Variants in GADL1 observed in about 807,000 individuals in gnomAD.
GADL1 encodes the protein GAD like acidic amino acid decarboxylase 1.
Under a neutral mutation model 69.5 loss-of-function variants are expected in GADL1, and 71 were observed. That is an observed-to-expected ratio of 1.02 (90% CI 0.84 to 1.25). The LOEUF (loss-of-function observed/expected upper bound fraction) is 1.25, where lower values mean the gene tolerates loss of function less well. Among genes scored for constraint, GADL1 ranks in the 50% most tolerant of loss-of-function variants. The pLI is 0.00. For missense variants in GADL1, 737 were observed against 631.8 expected, an observed-to-expected ratio of 1.17 and a Z score of -1.79; for synonymous variants, 254 against 214.4, an observed-to-expected ratio of 1.18 and a Z score of -1.62.
chr3:30,769,390 A>G (rs992216307), intron 14 of GADL1, among the ~76,000 whole-genome samples: 3 of 152,148 alleles, frequency 2.0e-5, no homozygotes, highest in African/African-American at 4.8e-5. Context: ...ACACACGCAC[A>G]CACACACACC....
intron 13 of GADL1, among the ~76,000 whole-genome samples, chr3:30,780,218 G>C (rs1311445328): frequency 6.6e-6 from 1 of 152,176 alleles, no homozygotes; most frequent in Non-Finnish European, 1.5e-5. Context: ...TGATTTCCAA[G>C]TTGTGGCATG....
chr3:30,788,042 A>G (rs1044216405), intron 12 of GADL1, among the ~76,000 whole-genome samples: 1 of 152,208 alleles, frequency 6.6e-6, no homozygotes, highest in African/African-American at 2.4e-5. Flanking sequence ...GAGCATACAC[A>G]TGGGCACGTA....
chr3:30,785,382 C>CT (rs71093938), intron 13 of GADL1, among the ~76,000 whole-genome samples: 33,262 of 124,342 alleles, frequency 0.27, 4,281 homozygotes, highest in Non-Finnish European at 0.3. Context: ...ATTTCTTTTT[C>CT]TTTTTTTTTT....
chr3:30,847,308 G>C (rs1575232736), intron 6 of GADL1, among the ~76,000 whole-genome samples: 1 of 151,890 alleles, frequency 6.6e-6, no homozygotes, highest in South Asian at 2.1e-4. Context: ...CACCTTCAGT[G>C]GTGGGTACGT....
At chr3:30,853,398 A>C (rs1435534577) in intron 4 of GADL1, among the ~76,000 whole-genome samples, 1 of 152,192 alleles carries the variant, frequency 6.6e-6, no homozygotes, top group Non-Finnish European at 1.5e-5. Flanking sequence ...TCACTGACAT[A>C]GGAAGTCTCA....
chr3:30,879,543 G>A (rs1225930984), intron 1 of GADL1, among the ~76,000 whole-genome samples: 1 of 151,812 alleles, frequency 6.6e-6, no homozygotes, highest in Non-Finnish European at 1.5e-5. Context: ...GGCCTATGTT[G>A]TTGCTTACCA....
intron 14 of GADL1, among the ~76,000 whole-genome samples, chr3:30,764,832 AGTT>A (rs1696231581): frequency 6.6e-6 from 1 of 152,200 alleles, no homozygotes; most frequent in Non-Finnish European, 1.5e-5. Flanking sequence ...GTGATATTAC[AGTT>A]GACTAAAGCA....
At chr3:30,793,102 C>G (rs1178548368) in intron 12 of GADL1, among the ~76,000 whole-genome samples, 2 of 152,152 alleles carry the variant, frequency 1.3e-5, no homozygotes, top group African/African-American at 4.8e-5. Flanking sequence ...TAGTAGTTAG[C>G]ATCTCCCAGA....
In GADL1 at chr3:30,816,541, T is replaced by C. The variant is rs1443533123; in HGVS notation, c.1051-15453A>G. Among the ~76,000 whole-genome samples the C allele has an allele frequency of 2.4e-3, 150 of 62,176 alleles. 2 individuals carry two copies. Among genetic ancestry groups the C allele is most frequent in the African/African-American group, 8.5e-3 (124 of 14,602 alleles). 40.8% of individuals were successfully genotyped at this position (62,176 alleles called of 152,430 possible). On this transcript the variant is annotated intron_variant, in intron 11 of 14. Transcript: ENST00000282538. ...TCTTAATTTGTTTTCTTTTTTTTTT[T>C]TTTTTTTTTTTTTTTTTTTTTTTTT...
At chr3:30,862,132 A>T (rs1014717641) in intron 1 of GADL1, among the ~76,000 whole-genome samples, 70 of 152,076 alleles carry the variant, frequency 4.6e-4, no homozygotes, top group African/African-American at 1.6e-3. Context: ...AAGTTGAAAA[A>T]AAATGTTTTC....
At chr3:30,755,160 C>T (rs1245372318) in intron 14 of GADL1, among the ~76,000 whole-genome samples, 4 of 152,132 alleles carry the variant, frequency 2.6e-5, no homozygotes, top group Admixed American at 6.5e-5. Flanking sequence ...CAGATGACCT[C>T]CCACCACAAA....
intron 14 of GADL1, among the ~76,000 whole-genome samples, chr3:30,774,127 G>A (rs918192365): frequency 1.3e-5 from 2 of 152,184 alleles, no homozygotes; most frequent in East Asian, 1.9e-4. Context: ...CATTCCTAGG[G>A]AATACCTAGG....
At chr3:30,766,366 G>A (rs1452978063) in intron 14 of GADL1, among the ~76,000 whole-genome samples, 1 of 152,126 alleles carries the variant, frequency 6.6e-6, no homozygotes, top group Non-Finnish European at 1.5e-5. Flanking sequence ...GCTGACAAGG[G>A]GCCCCATGCT....
intron 1 of GADL1, among the ~76,000 whole-genome samples, chr3:30,886,390 C>T (rs901045715): frequency 2.0e-5 from 3 of 152,040 alleles, no homozygotes; most frequent in African/African-American, 7.2e-5. Flanking sequence ...TTACAGTATC[C>T]ATAGTTTCTG....
chr3:30,793,778 C>T (rs1007988341), intron 12 of GADL1, among the ~76,000 whole-genome samples: 1 of 115,902 alleles, frequency 8.6e-6, no homozygotes, highest in African/African-American at 3.5e-5. Flanking sequence ...CAAATAGCCT[C>T]TCCAGTCCCT....
At chr3:30,859,990 A>G (rs1698295530) in intron 2 of GADL1, among the ~76,000 whole-genome samples, 2 of 151,776 alleles carry the variant, frequency 1.3e-5, no homozygotes, top group Non-Finnish European at 2.9e-5. Flanking sequence ...TTCTGGGCAA[A>G]AAATGGTCCC....
intron 14 of GADL1, among the ~76,000 whole-genome samples, chr3:30,759,232 G>C (rs1696061160): frequency 6.7e-6 from 1 of 149,842 alleles, no homozygotes; most frequent in Non-Finnish European, 1.5e-5. Context: ...TGTCTCTTTA[G>C]CTCTCACAAT....
Position 30,894,649 on chromosome 3 carries a change from G to A in GADL1, c.-35C>T. 6.5e-7 allele frequency: 1 copy of A among 1,546,314 alleles called. No homozygotes were observed. Among genetic ancestry groups the A allele is most frequent in the Non-Finnish European group, 8.7e-7 (1 of 1,143,520 alleles). On this transcript the variant is annotated 5_prime_UTR_variant, in exon 1 of 15. Coordinates refer to ENST00000282538, the MANE Select transcript of GADL1 (RefSeq NM_207359.3). ...CCCACTCCAGGCTGCCCCGGGCGCG[G>A]CTCCCGCAGTCTGGGCGGCGACGGT...
intron 14 of GADL1, among the ~76,000 whole-genome samples, chr3:30,768,343 A>C (rs182405234): frequency 2.9e-4 from 44 of 152,146 alleles, no homozygotes; most frequent in Non-Finnish European, 5.9e-5. Context: ...AGAAGGGACT[A>C]CTTGTTATAG....
Sources: gnomAD v4.1 joint callset for allele counts (sites outside exome capture counted in the v4.1 genomes callset) on GRCh38, gnomAD v4.1.1 for gene constraint, MANE v1.5 for transcripts, NCBI Gene and HGNC (gene_info 2026-07-23, HGNC 2026-07-21) for gene names.